Variants in MROH7 observed in about 807,000 individuals in gnomAD.
MROH7 encodes the protein maestro heat-like repeat-containing protein family member 7.
MROH7 carries 113 observed loss-of-function variants against 129.2 expected under a neutral mutation model. The ratio of observed to expected loss-of-function variants is 0.87; its 90% CI spans 0.75 to 1.02. The LOEUF (loss-of-function observed/expected upper bound fraction) is 1.02. Ranked by LOEUF, MROH7 falls within the 50% of genes least tolerant of loss-of-function variation. MROH7 has a pLI of 0.00. For missense variants in MROH7, 1,601 were observed against 1,671.3 expected, an observed-to-expected ratio of 0.96 and a Z score of 0.73; for synonymous variants, 655 against 667.9, an observed-to-expected ratio of 0.98 and a Z score of 0.30.
intron 17 of MROH7, 175 bp downstream of exon 17, chr1:54,695,665 C>T (rs1645310610): frequency 3.0e-6 from 2 of 667,566 alleles, no homozygotes; most frequent in Non-Finnish European, 5.5e-6. Flanking sequence ...CCCTGTCTCT[C>T]CACCCTTTAC....
chr1:54,666,418 A>C (rs968495772), intron 4 of MROH7, among the ~76,000 whole-genome samples: 1 of 137,196 alleles, frequency 7.3e-6, no homozygotes, highest in Non-Finnish European at 1.5e-5. Flanking sequence ...GAGGCGGGAG[A>C]AGAGGAATTT....
chr1:54,699,130 CTTTCTTTCTTTCTTTCTTTCTTTCTTTCT>C (rs1645377332), intron 17 of MROH7: 16 of 95,294 alleles, frequency 1.7e-4, no homozygotes, highest in East Asian at 5.6e-4. Flanking sequence ...TTCTTTCTTT[CTTTCTTTCTTTCTTTCTTTCTTTCTTTCT>C]TTTCTTTCTT....
rs541360182 is a variant in MROH7 at position 54,651,432 on chromosome 1, A to C, written c.-109-517A>C. The C allele has an allele frequency of 2.0e-5, 3 of 152,486 alleles. No individual in the cohort carries two copies. The East Asian group carries it at 5.8e-4, about 29-fold the overall frequency. The allele number at this position is 152,486 out of a possible 1,614,324, so 9.4% of individuals were successfully genotyped here. A position where few individuals can be genotyped will look rare whatever the true frequency, so the allele number is the denominator to read the frequency against. On this transcript the variant is annotated intron_variant, in intron 1 of 23. Coordinates refer to ENST00000421030, the MANE Select transcript of MROH7 (RefSeq NM_001039464.4). ...CTGAAACCTGAAAGGGTGAAGCAGC[A>C]GTCATTAGCTGGGGAAGGGGAGTGG...
chr1:54,697,946 G>A (rs1645348836), intron 17 of MROH7: 1 of 415,078 alleles, frequency 2.4e-6, no homozygotes, highest in Non-Finnish European at 4.3e-6. Context: ...CTGGACTCCT[G>A]ACCAGCAGCC....
intron 15 of MROH7, among the ~76,000 whole-genome samples, chr1:54,691,662 C>T (rs1339587440): frequency 2.0e-5 from 3 of 151,598 alleles, no homozygotes; most frequent in Non-Finnish European, 2.9e-5. Flanking sequence ...AAAAATTAGC[C>T]GGGTGTGGTG....
intron 3 of MROH7, among the ~76,000 whole-genome samples, chr1:54,657,048 CTTT>C (rs35098878): frequency 4.5e-5 from 6 of 132,434 alleles, no homozygotes; most frequent in African/African-American, 5.5e-5. Context: ...TTCTCACCAT[CTTT>C]TTTTTTTTTT....
chr1:54,672,181 C>T (rs1037114783), intron 7 of MROH7, among the ~76,000 whole-genome samples: 1 of 151,634 alleles, frequency 6.6e-6, no homozygotes, highest in Non-Finnish European at 1.5e-5. Flanking sequence ...AGGAGGCCGC[C>T]CTCTTGTAGT....
At chr1:54,699,524 C>T (rs2101209529) in intron 17 of MROH7, 1 of 153,010 alleles carries the variant, frequency 6.5e-6, no homozygotes, top group East Asian at 1.9e-4. Flanking sequence ...GTCTTGAACT[C>T]CATACCTCAG....
chr1:54,682,643 C>T lies in MROH7; in HGVS notation c.2382-13C>T, dbSNP rs1445709166. 1.2e-6 allele frequency: 2 copies of T among 1,610,850 alleles called. No homozygotes were observed. The highest frequency in any genetic ancestry group is 2.2e-5 in the East Asian group (1 of 44,714). On this transcript the variant is annotated splice_polypyrimidine_tract_variant and intron_variant, in intron 13 of 23. Transcript: ENST00000421030. ...TTGGCCACCACTAATTGCCCACATC[C>T]CTGACCTCTCAGCAATGGAGCAGAG...
In MROH7 at chr1:54,682,731, C is replaced by T; in HGVS notation, c.2457C>T (p.Leu819=). Residue 819 remains leucine, a synonymous_variant, in exon 14 of 24, where the codon CTC becomes CTT. Transcript: ENST00000421030. Reference sequence around the variant, plus strand: ...ATGTCCGAGACCTCCTGGATCTGCTCCTGGGCAGCCTGAAGGAGAAGCCCG... The same window carrying T: ...ATGTCCGAGACCTCCTGGATCTGCTTCTGGGCAGCCTGAAGGAGAAGCCCG... ...SCDVRDLLDL[L]LGSLKEKPVT... 1 of 1,614,120 alleles carries T rather than the reference C, an allele frequency of 6.2e-7. No homozygotes were observed. Among genetic ancestry groups the T allele is most frequent in the South Asian group, 1.1e-5 (1 of 91,076 alleles).
intron 18 of MROH7, among the ~76,000 whole-genome samples, chr1:54,700,880 C>T (rs994862324): frequency 3.9e-5 from 6 of 152,230 alleles, no homozygotes; most frequent in Admixed American, 6.5e-5. Flanking sequence ...AACAACACAG[C>T]GTGTCATCTA....
intron 5 of MROH7, among the ~76,000 whole-genome samples, chr1:54,669,720 C>T (rs1644865213): frequency 6.6e-6 from 1 of 152,168 alleles, no homozygotes. Flanking sequence ...GGACATTTGG[C>T]CAGGTGTGGT....
At chr1:54,686,532 C>A in intron 15 of MROH7, 84 bp downstream of exon 15, 2 of 1,226,392 alleles carry the variant, frequency 1.6e-6, no homozygotes, top group African/African-American at 1.5e-5. Flanking sequence ...GTCTCAGGGG[C>A]AATCAATCAA....
In MROH7 at chr1:54,702,750, G is replaced by A. The variant is rs1252631894; in HGVS notation, c.3564+5G>A. ...GCCAAAATTTGCAAGTGCCTTGTGA[G>A]TGCTCCCAGAGAGTAGAGTGGTTCC... is the stretch of plus-strand genomic sequence containing the variant. On this transcript the variant is annotated splice_donor_5th_base_variant and intron_variant, in intron 21 of 23. Coordinates refer to ENST00000421030, the MANE Select transcript of MROH7 (RefSeq NM_001039464.4). The A allele has an allele frequency of 2.5e-6, 4 of 1,611,718 alleles. No homozygotes were observed. Among genetic ancestry groups the A allele is most frequent in the Non-Finnish European group, 2.5e-6 (3 of 1,179,018 alleles).
rs112516583 is a variant in MROH7 at position 54,648,856 on chromosome 1, G to C, written c.-109-3093G>C. ...AGATTTGAGAGCTGTTCTGGAGCCAGAATTAGCAGAACTTGGCCAAAATTG... is the reference window on the plus strand; with the variant it reads ...AGATTTGAGAGCTGTTCTGGAGCCACAATTAGCAGAACTTGGCCAAAATTG... On this transcript the variant is annotated intron_variant, in intron 1 of 23. Coordinates refer to ENST00000421030, the MANE Select transcript of MROH7 (RefSeq NM_001039464.4). Among the ~76,000 whole-genome samples the C allele has an allele frequency of 8.9e-3, 1,348 of 152,310 alleles. 18 individuals carry two copies. Among genetic ancestry groups the C allele is most frequent in the African/African-American group, 0.031 (1,293 of 41,564 alleles).
intron 13 of MROH7, among the ~76,000 whole-genome samples, chr1:54,680,664 G>A (rs1645055205): frequency 6.6e-6 from 1 of 152,220 alleles, no homozygotes; most frequent in Non-Finnish European, 1.5e-5. Flanking sequence ...TGGTGAGCTC[G>A]TGGGCAGGAG....
intron 18 of MROH7, 133 bp from the exon 19 acceptor site, chr1:54,701,010 G>C: frequency 1.1e-6 from 1 of 940,560 alleles, no homozygotes; most frequent in Non-Finnish European, 1.6e-6. Context: ...TTCCAGGCAG[G>C]TGGGATGGCA....
chr1:54,687,511 G>T (rs1227649558), intron 15 of MROH7, among the ~76,000 whole-genome samples: 2 of 152,258 alleles, frequency 1.3e-5, no homozygotes, highest in African/African-American at 4.8e-5. Flanking sequence ...CAGTGAGTTT[G>T]CTTGTTTATA....
chr1:54,644,737 A>G (rs1443535396), intron 1 of MROH7, among the ~76,000 whole-genome samples: 1 of 150,760 alleles, frequency 6.6e-6, no homozygotes, highest in Non-Finnish European at 1.5e-5. Context: ...CCTGGGCTCA[A>G]GTGATCCTCG....
Sources: gnomAD v4.1 joint callset for allele counts (sites outside exome capture counted in the v4.1 genomes callset) on GRCh38, gnomAD v4.1.1 for gene constraint, MANE v1.5 for transcripts, NCBI Gene and HGNC (gene_info 2026-07-23, HGNC 2026-07-21) for gene names.